The following SESN1 variants were observed in gnomAD, a reference collection of about 807,000 sequenced individuals.
The protein encoded by SESN1 is sestrin 1, also known as sestrin-1.
In SESN1, 30 loss-of-function variants were observed where a neutral mutation model predicts 59.3. The ratio of observed to expected loss-of-function variants is 0.51; its 90% confidence interval spans 0.38 to 0.69. The LOEUF (loss-of-function observed/expected upper bound fraction) is 0.69. SESN1 is among the 30% of genes least tolerant of loss of function. The pLI, the probability that SESN1 is intolerant of heterozygous loss-of-function variation, is 0.00. For missense variants in SESN1, 566 were observed against 673.0 expected (o/e 0.84, Z 1.76); for synonymous variants, 197 against 219.9 (o/e 0.90, Z 0.92).
intron 5 of SESN1, 118 bp downstream of exon 5, chr6:108,998,395 G>A: frequency 8.7e-7 from 1 of 1,152,014 alleles, no homozygotes. Flanking sequence ...AGATATAGGG[G>A]CCCAATATCT....
At chr6:109,008,438 A>C (rs12215344) in intron 1 of SESN1, among the ~76,000 whole-genome samples, 13,984 of 152,176 alleles carry the variant, frequency 0.092, 847 homozygotes, top group Middle Eastern at 0.19. Context: ...TAAATGTTAA[A>C]ATCTCAAAAA....
chr6:109,006,951 G>A (rs556908334), intron 1 of SESN1, among the ~76,000 whole-genome samples: 1 of 152,230 alleles, frequency 6.6e-6, no homozygotes, highest in African/African-American at 2.4e-5. Context: ...CAGATTCTAG[G>A]AGACAGAACT....
intron 1 of SESN1, among the ~76,000 whole-genome samples, chr6:109,085,451 G>A (rs775006657): frequency 9.9e-5 from 15 of 151,976 alleles, no homozygotes; most frequent in Admixed American, 1.3e-4. Flanking sequence ...CCCCGGAGGC[G>A]GAGCTTGCAG....
At chr6:109,068,747 C>A (rs1780877526) in intron 1 of SESN1, among the ~76,000 whole-genome samples, 2 of 145,302 alleles carry the variant, frequency 1.4e-5, no homozygotes, top group Non-Finnish European at 1.5e-5. Context: ...TGAGGCAGAG[C>A]TTCACTCTTA....
intron 1 of SESN1, among the ~76,000 whole-genome samples, chr6:109,055,514 T>G (rs1780614621): frequency 6.6e-6 from 1 of 151,576 alleles, no homozygotes; most frequent in Non-Finnish European, 1.5e-5. Context: ...TACCAAAAAA[T>G]TAGCCGGGTG....
rs184558166 is a variant in SESN1, at chr6:109,009,042, G to A, written c.280-6699C>T. On this transcript the variant is annotated intron_variant, in intron 1 of 9. Transcript: ENST00000436639. ...CTGACTTGTGGAGACTTGTCCAGAC[G>A]ACAATGTTATTTACGTATTGGAGAC... The A allele has an allele frequency of 2.0e-5, 20 of 977,366 alleles. No homozygotes were observed. In the African/African-American group the frequency reaches 2.9e-4, roughly 14 times the overall value. The allele number at this position is 977,366 out of a possible 1,614,324, so 60.5% of individuals were successfully genotyped here.
At position 108,986,742 on chromosome 6, in the gene SESN1, T is replaced by G. The variant is rs1256721857; in HGVS notation, c.*802A>C. On this transcript the variant is annotated 3_prime_UTR_variant, in exon 10 of 10. Coordinates refer to ENST00000436639, the MANE Select transcript of SESN1 (RefSeq NM_014454.3). The stretch of plus-strand genomic sequence containing the variant: ...GCAACATGTCCCACAACTTTGGTGC[T>G]GGAAACACAAGTAATGCACAAGACA... 6.6e-6 allele frequency: 1 copy of G among 152,226 alleles called. No homozygotes were observed. Among genetic ancestry groups the G allele is most frequent in the Non-Finnish European group, 1.5e-5 (1 of 68,036 alleles). The allele number at this position is 152,226 out of a possible 1,614,324, so 9.4% of individuals were successfully genotyped here. A position where few individuals can be genotyped will look rare whatever the true frequency, so the allele number is the denominator to read the frequency against.
At chr6:109,032,881 T>G (rs563552142) in intron 1 of SESN1, among the ~76,000 whole-genome samples, 1 of 152,224 alleles carries the variant, frequency 6.6e-6, no homozygotes, top group African/African-American at 2.4e-5. Context: ...TTTTTTCTTC[T>G]GCTAAAAGGG....
intron 1 of SESN1, among the ~76,000 whole-genome samples, chr6:109,033,225 G>A (rs1034204254): frequency 1.1e-4 from 16 of 152,182 alleles, no homozygotes; most frequent in Admixed American, 1.0e-3. Flanking sequence ...GAGTGCAGTG[G>A]TCTGGTTAAG....
In SESN1 at chr6:108,985,828, A is replaced by G. The variant is rs1225403856; in HGVS notation, c.*1716T>C. ...GCAGGCAGAAGAGGACAAAGGCATG[A>G]TGCATATTCAATGAGTAATGCACTT... On this transcript the variant is annotated 3_prime_UTR_variant, in exon 10 of 10. Transcript: ENST00000436639. Among the ~76,000 whole-genome samples the G allele has an allele frequency of 6.6e-6, 1 of 152,220 alleles. No individual in the cohort carries two copies. The highest frequency in any genetic ancestry group is 1.5e-5 in the Non-Finnish European group (1 of 68,038).
chr6:109,006,453 CCT>C (rs1357319060), intron 1 of SESN1, among the ~76,000 whole-genome samples: 2 of 142,852 alleles, frequency 1.4e-5, no homozygotes, highest in Non-Finnish European at 3.1e-5. Flanking sequence ...CCCCCCACCC[CCT>C]ACCCCACGAC....
At chr6:109,007,476 T>C (rs1020041085) in intron 1 of SESN1, among the ~76,000 whole-genome samples, 1 of 152,238 alleles carries the variant, frequency 6.6e-6, no homozygotes, top group African/African-American at 2.4e-5. Context: ...ACACTATTAC[T>C]GTTGTGATTA....
intron 1 of SESN1, among the ~76,000 whole-genome samples, chr6:109,092,028 T>C (rs1781323485): frequency 6.6e-6 from 1 of 152,206 alleles, no homozygotes; most frequent in African/African-American, 2.4e-5. Flanking sequence ...TATAAGTAAA[T>C]TGCCTTTTAT....
intron 1 of SESN1, among the ~76,000 whole-genome samples, chr6:109,062,503 C>T (rs1276747375): frequency 6.6e-6 from 1 of 152,134 alleles, no homozygotes; most frequent in Admixed American, 6.5e-5. Context: ...CTCACAGTGT[C>T]CCAGTTTGGA....
intron 1 of SESN1, chr6:109,008,637 A>C (rs1264891997): frequency 3.7e-6 from 1 of 269,004 alleles, no homozygotes; most frequent in African/African-American, 2.3e-5. Flanking sequence ...ACAGCACCTG[A>C]TTTCAATCCA....
intron 1 of SESN1, among the ~76,000 whole-genome samples, chr6:109,074,361 G>A (rs1309469620): frequency 1.3e-5 from 2 of 151,932 alleles, no homozygotes; most frequent in African/African-American, 4.8e-5. Flanking sequence ...AAAACATTTG[G>A]CCAAGATGCT....
At chr6:108,990,908 T>C (rs1779362363) in intron 7 of SESN1, 73 bp from the exon 8 acceptor site, 2 of 1,306,650 alleles carry the variant, frequency 1.5e-6, no homozygotes, top group Admixed American at 2.3e-5. Context: ...CTCTGTAGCA[T>C]GGTAAAAATC....
chr6:109,007,083 A>G (rs796533135), intron 1 of SESN1, among the ~76,000 whole-genome samples: 3 of 152,290 alleles, frequency 2.0e-5, no homozygotes, highest in African/African-American at 7.2e-5. Context: ...TCCCCTCAAC[A>G]ACCTAATAAC....
intron 2 of SESN1, 88 bp from the exon 3 acceptor site, chr6:109,001,576 T>C (rs1779626636): frequency 8.9e-7 from 1 of 1,128,542 alleles, no homozygotes. Flanking sequence ...CTAAGTATCA[T>C]TTAGAAGCAG....
Sources: allele counts gnomAD v4.1 joint callset (sites outside exome capture counted in the v4.1 genomes callset), GRCh38; gene constraint gnomAD v4.1.1; transcripts MANE v1.5; gene names NCBI Gene and HGNC (gene_info 2026-07-23, HGNC 2026-07-21).